Variants in RP1 observed in about 807,000 individuals in gnomAD.
RP1 encodes the protein oxygen-regulated protein 1.
In RP1, 16 loss-of-function variants were observed where a neutral mutation model predicts 14.8. The ratio of observed to expected loss-of-function variants is 1.08; its 90% CI spans 0.73 to 1.65. RP1 has a LOEUF of 1.65. RP1 is among the 40% of genes most tolerant of loss of function. The pLI is 0.00. For missense variants in RP1, 2,631 were observed against 2,535.0 expected, an observed-to-expected ratio of 1.04 and a Z score of -0.81; for synonymous variants, 876 against 883.6, an observed-to-expected ratio of 0.99 and a Z score of 0.15.
chr8:54,831,925 G>A (rs553377559), intron 24 of RP1, among the ~76,000 whole-genome samples: 3 of 151,692 alleles, frequency 2.0e-5, no homozygotes, highest in Admixed American at 6.6e-5. Flanking sequence ...TGCTAGATAT[G>A]AAACTTCAGT....
intron 24 of RP1, among the ~76,000 whole-genome samples, chr8:54,835,402 T>C (rs1054493270): frequency 2.6e-5 from 4 of 152,174 alleles, no homozygotes; most frequent in African/African-American, 9.7e-5. Context: ...CATGACACTA[T>C]TCAGTTATTA....
chr8:54,586,945 G>T (rs1804942720), intron 1 of RP1, among the ~76,000 whole-genome samples: 1 of 152,188 alleles, frequency 6.6e-6, no homozygotes, highest in African/African-American at 2.4e-5. Context: ...GCGCTTCCTG[G>T]GTGAGGCAAT....
intron 26 of RP1, among the ~76,000 whole-genome samples, chr8:54,855,069 C>T (rs1031549021): frequency 1.6e-4 from 24 of 152,194 alleles, no homozygotes; most frequent in Admixed American, 1.1e-3. Context: ...ACTCTCCATT[C>T]TTCAGTCCTC....
intron 1 of RP1, among the ~76,000 whole-genome samples, chr8:54,590,287 C>T (rs569069753): frequency 6.6e-6 from 1 of 152,304 alleles, no homozygotes; most frequent in African/African-American, 2.4e-5. Context: ...CTCTGCTCCC[C>T]TTCACAGAAA....
chr8:54,849,900 C>A (rs746220384), intron 25 of RP1, among the ~76,000 whole-genome samples: 4 of 151,956 alleles, frequency 2.6e-5, no homozygotes, highest in Non-Finnish European at 5.9e-5. Context: ...AACGACATTG[C>A]AAACAAAAGT....
At chr8:54,849,503 T>TA (rs1043416453) in intron 25 of RP1, among the ~76,000 whole-genome samples, 19 of 151,720 alleles carry the variant, frequency 1.3e-4, no homozygotes, top group African/African-American at 2.7e-4. Context: ...GCAAGTATAT[T>TA]AAAAAAAAAT....
chr8:54,811,346 A>G (rs1352795257), intron 24 of RP1, among the ~76,000 whole-genome samples: 2 of 152,196 alleles, frequency 1.3e-5, no homozygotes, highest in African/African-American at 4.8e-5. Flanking sequence ...TTAGCAAATT[A>G]TCAACACTAT....
rs533259470 is a variant in RP1, at chr8:54,585,398, G to A, written c.-13+26078G>A. Among the ~76,000 whole-genome samples, 994 of 152,288 alleles carry A rather than the reference G, an allele frequency of 6.5e-3. 7 individuals are homozygous for A. Among genetic ancestry groups the A allele is most frequent in the Non-Finnish European group, 0.011 (767 of 68,026 alleles). ...GCCTGATGGGCTTCCCTTTGTGGGT[G>A]ACCCGACCTTTCTCTCTGGCTGCCC... On this transcript the variant is annotated intron_variant, in intron 1 of 22. Transcript: ENST00000636932.
chr8:54,852,115 GT>G (rs145224064), intron 25 of RP1, among the ~76,000 whole-genome samples: 11 of 150,416 alleles, frequency 7.3e-5, no homozygotes, highest in Admixed American at 4.7e-4. Context: ...TAGGATCTTT[GT>G]TTTTTTTTCT....
Position 54,627,102 on chromosome 8 carries a change from A to G in RP1, c.3220A>G (p.Ile1074Val). The G allele has an allele frequency of 3.7e-6, 6 of 1,614,136 alleles. No homozygotes were observed. The highest frequency in any genetic ancestry group is 2.2e-5 in the East Asian group (1 of 44,876). The part of the protein sequence containing the change: ...SVEAAIQVDP[I>V]EEETPKDLLP... ...AGAGGCTGCCATTCAAGTAGATCCT[A>G]TAGAAGAGGAAACTCCAAAAGACCT... Residue 1074 changes from isoleucine to valine, a missense_variant, in exon 4 of 4, where the codon ATA (isoleucine) becomes GTA (valine). Transcript: ENST00000220676.
At chr8:54,656,024 AT>A in intron 5 of RP1, 1 of 1,294,608 alleles carries the variant, frequency 7.7e-7, no homozygotes, top group South Asian at 1.5e-5. Flanking sequence ...ACAAAAACTT[AT>A]TTGACACTTT....
intron 24 of RP1, among the ~76,000 whole-genome samples, chr8:54,792,973 G>C (rs980072574): frequency 6.6e-6 from 1 of 151,654 alleles, no homozygotes; most frequent in African/African-American, 2.4e-5. Flanking sequence ...GGAGAACTCA[G>C]ATAAATAAAA....
At chr8:54,798,345 G>A (rs1439102047) in intron 24 of RP1, among the ~76,000 whole-genome samples, 2 of 152,166 alleles carry the variant, frequency 1.3e-5, no homozygotes, top group Non-Finnish European at 2.9e-5. Flanking sequence ...GGAGAAACCA[G>A]CAATATTTCT....
At chr8:54,857,944 A>G (rs1007349521) in intron 27 of RP1, among the ~76,000 whole-genome samples, 2 of 152,174 alleles carry the variant, frequency 1.3e-5, no homozygotes, top group African/African-American at 4.8e-5. Flanking sequence ...AACTTATATC[A>G]TAGTACTGAA....
chr8:54,781,143 A>G (rs896685322), intron 23 of RP1: 1 of 515,986 alleles, frequency 1.9e-6, no homozygotes, highest in African/African-American at 2.1e-5. Context: ...TTGCTATAGT[A>G]TCTCCCCCAA....
At chr8:54,808,072 C>A (rs1445026248) in intron 24 of RP1, among the ~76,000 whole-genome samples, 1 of 152,140 alleles carries the variant, frequency 6.6e-6, no homozygotes, top group Non-Finnish European at 1.5e-5. Flanking sequence ...CATGCAATAA[C>A]CATCATAGCG....
At chr8:54,859,448 G>C (rs1461672446) in intron 27 of RP1, among the ~76,000 whole-genome samples, 1 of 151,662 alleles carries the variant, frequency 6.6e-6, no homozygotes, top group Non-Finnish European at 1.5e-5. Flanking sequence ...TTTCACTGTA[G>C]GGTGGTGTCA....
At chr8:54,806,408 G>C (rs1411129769) in intron 24 of RP1, among the ~76,000 whole-genome samples, 2 of 152,060 alleles carry the variant, frequency 1.3e-5, no homozygotes, top group African/African-American at 2.4e-5. Flanking sequence ...ATCTTAGTTA[G>C]AGCTGATTTA....
intron 1 of RP1, among the ~76,000 whole-genome samples, chr8:54,586,789 C>A (rs989347249): frequency 6.6e-6 from 1 of 152,210 alleles, no homozygotes; most frequent in Non-Finnish European, 1.5e-5. Flanking sequence ...TAGGACCCTC[C>A]AAGCCAGGTG....
Sources: gnomAD v4.1 joint callset for allele counts (sites outside exome capture counted in the v4.1 genomes callset) on GRCh38, gnomAD v4.1.1 for gene constraint, MANE v1.5 for transcripts, NCBI Gene and HGNC (gene_info 2026-07-23, HGNC 2026-07-21) for gene names.